Variants in IL1RAPL2 observed in about 807,000 individuals in gnomAD.
IL1RAPL2 encodes interleukin 1 receptor accessory protein like 2.
In IL1RAPL2, 3 loss-of-function variants were observed where a neutral mutation model predicts 44.1. That is an observed-to-expected ratio of 0.07 (90% CI 0.03 to 0.18). The LOEUF is 0.18. IL1RAPL2 is among the 10% of genes least tolerant of loss of function. IL1RAPL2 has a pLI of 1.00. For missense variants in IL1RAPL2, 391 were observed against 496.4 expected, an observed-to-expected ratio of 0.79 and a Z score of 2.02; for synonymous variants, 181 against 178.8, an observed-to-expected ratio of 1.01 and a Z score of -0.10.
rs190053618 is a variant in IL1RAPL2 at position 105,443,048 on chromosome X, C to A, written c.698-41265C>A. Among the ~76,000 whole-genome samples the A allele has an allele frequency of 5.4e-5, 6 of 111,645 alleles. No homozygotes were observed. The East Asian group carries it at 1.1e-3, about 21-fold the overall frequency. ...GTGAAATTGCACCACTGCACTCCAG[C>A]CTGGGCAACAGAGCAAGACTCCATC... is the stretch of plus-strand genomic sequence containing the variant. On this transcript the variant is annotated intron_variant, in intron 5 of 10. Coordinates refer to ENST00000372582, the MANE Select transcript of IL1RAPL2 (RefSeq NM_017416.2).
intron 5 of IL1RAPL2, among the ~76,000 whole-genome samples, chrX:105,326,355 C>G (rs1229840349): frequency 9.0e-6 from 1 of 111,318 alleles, no homozygotes; most frequent in East Asian, 2.8e-4. Context: ...TGGTACTTGG[C>G]CTGTCTTCTT....
intron 10 of IL1RAPL2, among the ~76,000 whole-genome samples, chrX:105,757,807 C>G (rs778480311): frequency 9.0e-6 from 1 of 111,665 alleles, no homozygotes; most frequent in Admixed American, 9.5e-5. Context: ...CTTAAAAAGG[C>G]CCTTTGACAA....
Position 105,446,731 on chromosome X carries a change from G to A in IL1RAPL2, c.698-37582G>A, listed in dbSNP as rs753704677. ...TTGTCTCTCCATTGTTTCTCTTTAT[G>A]TCTTATTGTTCTATATATTTGAAAG... is the stretch of plus-strand genomic sequence containing the variant. On this transcript the variant is annotated intron_variant, in intron 5 of 10. Transcript: ENST00000372582. Among the ~76,000 whole-genome samples, 3 of 109,443 alleles carry A rather than the reference G, an allele frequency of 2.7e-5. No individual in the cohort carries two copies. The South Asian group carries it at 1.2e-3, about 42-fold the overall frequency.
chrX:104,666,308 A>T (rs185233362), intron 2 of IL1RAPL2, among the ~76,000 whole-genome samples: 10 of 112,277 alleles, frequency 8.9e-5, no homozygotes, highest in Non-Finnish European at 1.5e-4. Context: ...AAAGTTCCTT[A>T]TGACACTGGT....
At chrX:105,561,502 A>T (rs1375165714) in intron 6 of IL1RAPL2, among the ~76,000 whole-genome samples, 1 of 112,266 alleles carries the variant, frequency 8.9e-6, no homozygotes, top group Non-Finnish European at 1.9e-5. Context: ...AGGGCCATGT[A>T]GGCTCTAAAT....
At chrX:104,788,555 C>CT (rs1217870441) in intron 2 of IL1RAPL2, among the ~76,000 whole-genome samples, 1 of 112,004 alleles carries the variant, frequency 8.9e-6, no homozygotes, top group Non-Finnish European at 1.9e-5. Context: ...AAGTTACTTT[C>CT]TCCTGAAAGC....
chrX:105,665,077 G>A (rs2037748945), intron 6 of IL1RAPL2, among the ~76,000 whole-genome samples: 1 of 112,067 alleles, frequency 8.9e-6, no homozygotes, highest in African/African-American at 3.2e-5. Context: ...GAATAAGTAT[G>A]CTACTGATAA....
intron 2 of IL1RAPL2, among the ~76,000 whole-genome samples, chrX:105,063,382 G>T (rs2032098453): frequency 8.9e-6 from 1 of 112,241 alleles, no homozygotes; most frequent in South Asian, 3.7e-4. Context: ...AAGATCACTT[G>T]TCTCTGTTTC....
chrX:105,158,238 TCCCAGCTACTCA>T (rs1217066764), intron 2 of IL1RAPL2, among the ~76,000 whole-genome samples: 4 of 111,044 alleles, frequency 3.6e-5, no homozygotes, highest in African/African-American at 1.3e-4. Flanking sequence ...GCGCCTGTAG[TCCCAGCTACTCA>T]GGAGGCTAAG....
intron 3 of IL1RAPL2, among the ~76,000 whole-genome samples, chrX:105,197,227 T>G (rs1162256664): frequency 9.0e-6 from 1 of 110,668 alleles, no homozygotes; most frequent in Non-Finnish European, 1.9e-5. Context: ...GGGCAGCTCT[T>G]GGCAAAATTG....
chrX:104,949,017 G>C (rs1925482829), intron 2 of IL1RAPL2, among the ~76,000 whole-genome samples: 1 of 109,875 alleles, frequency 9.1e-6, no homozygotes, highest in African/African-American at 3.3e-5. Context: ...TTGTACCTCT[G>C]GTAGAATTCA....
intron 2 of IL1RAPL2, among the ~76,000 whole-genome samples, chrX:104,935,763 A>C (rs1925010299): frequency 8.9e-6 from 1 of 111,764 alleles, no homozygotes; most frequent in South Asian, 3.8e-4. Flanking sequence ...TGGACTGGAT[A>C]CTTTCCAAGA....
chrX:104,904,705 T>A (rs1327446991), intron 2 of IL1RAPL2, among the ~76,000 whole-genome samples: 1 of 110,155 alleles, frequency 9.1e-6, no homozygotes, highest in Non-Finnish European at 1.9e-5. Context: ...TCTATCATTG[T>A]TGGACATTTG....
At position 104,832,733 on chromosome X, in the gene IL1RAPL2, T is replaced by C. The variant is rs970804836; in HGVS notation, c.82+173738T>C. 2.1e-4 allele frequency among the ~76,000 whole-genome samples: 23 copies of C among 111,753 alleles called. No homozygotes were observed. The Admixed American group carries it at 2.1e-3, about 10-fold the overall frequency. ...AGGTTCACCAGAAAAAAGGACAGTTTTCCCTTTCCTTTAAAAACATAGAAA... is the reference window on the plus strand; with the variant it reads ...AGGTTCACCAGAAAAAAGGACAGTTCTCCCTTTCCTTTAAAAACATAGAAA... On this transcript the variant is annotated intron_variant, in intron 2 of 10. Coordinates refer to ENST00000372582, the MANE Select transcript of IL1RAPL2 (RefSeq NM_017416.2).
At chrX:105,404,814 G>T (rs1264813883) in intron 5 of IL1RAPL2, among the ~76,000 whole-genome samples, 2 of 111,749 alleles carry the variant, frequency 1.8e-5, no homozygotes, top group Non-Finnish European at 3.8e-5. Flanking sequence ...TTCAACAAAA[G>T]ATTCTTCTCA....
At chrX:105,685,870 A>G (rs754007582) in intron 6 of IL1RAPL2, among the ~76,000 whole-genome samples, 15 of 112,030 alleles carry the variant, frequency 1.3e-4, no homozygotes, top group African/African-American at 3.9e-4. Context: ...GAAACCCTAC[A>G]AGCCAGAAGA....
intron 2 of IL1RAPL2, among the ~76,000 whole-genome samples, chrX:104,672,758 G>C (rs1325996506): frequency 1.9e-5 from 2 of 106,252 alleles, no homozygotes; most frequent in African/African-American, 3.5e-5. Context: ...TCCAGCACCT[G>C]TTGTTTCCTG....
chrX:105,388,623 G>A (rs746989438), intron 5 of IL1RAPL2, among the ~76,000 whole-genome samples: 1 of 110,697 alleles, frequency 9.0e-6, no homozygotes, highest in East Asian at 2.8e-4. Flanking sequence ...CTCAGTAACG[G>A]TCTAGTTTAT....
intron 1 of IL1RAPL2, among the ~76,000 whole-genome samples, chrX:104,637,576 T>A (rs751442888): frequency 8.1e-5 from 9 of 111,071 alleles, no homozygotes; most frequent in Admixed American, 9.6e-5. Context: ...TCTATTGAGA[T>A]GATTGTATGT....
Sources: allele counts gnomAD v4.1 joint callset (sites outside exome capture counted in the v4.1 genomes callset), GRCh38; gene constraint gnomAD v4.1.1; transcripts MANE v1.5; gene names NCBI Gene and HGNC (gene_info 2026-07-23, HGNC 2026-07-21).